MECOM: variants seen among roughly 807,000 people sequenced by gnomAD.
MECOM encodes the protein histone-lysine N-methyltransferase MECOM.
A neutral mutation model predicts 116.3 loss-of-function variants in MECOM; 13 were observed. The ratio of observed to expected loss-of-function variants is 0.11; its 90% confidence interval spans 0.07 to 0.18. The LOEUF (loss-of-function observed/expected upper bound fraction) is 0.18. Among genes scored for constraint, MECOM ranks in the 10% least tolerant of loss-of-function variants. The pLI is 1.00. For missense variants in MECOM, 1,299 were observed against 1,509.0 expected, an observed-to-expected ratio of 0.86 and a Z score of 2.31; for synonymous variants, 528 against 535.2, an observed-to-expected ratio of 0.99 and a Z score of 0.19.
chr3:169,445,583 G>C (rs2108635877), intron 1 of MECOM, among the ~76,000 whole-genome samples: 1 of 152,348 alleles, frequency 6.6e-6, no homozygotes, highest in African/African-American at 2.4e-5. Flanking sequence ...CAGTGCAGTA[G>C]GGAAATGTGG....
At chr3:169,189,574 G>A (rs988228542) in intron 2 of MECOM, among the ~76,000 whole-genome samples, 2 of 152,038 alleles carry the variant, frequency 1.3e-5, no homozygotes, top group South Asian at 2.1e-4. Flanking sequence ...TTCAGGGAAA[G>A]TAATTCACTT....
chr3:169,233,825 G>A (rs543282975), intron 2 of MECOM, among the ~76,000 whole-genome samples: 12 of 152,212 alleles, frequency 7.9e-5, no homozygotes, highest in East Asian at 3.9e-4. Context: ...ACCTAAATTC[G>A]TCACAGTAAC....
chr3:169,441,340 C>G (rs888688562), intron 1 of MECOM, among the ~76,000 whole-genome samples: 1 of 152,160 alleles, frequency 6.6e-6, no homozygotes, highest in Non-Finnish European at 1.5e-5. Context: ...TATCACCAAA[C>G]AATACTTTGA....
intron 1 of MECOM, among the ~76,000 whole-genome samples, chr3:169,646,459 T>TAATA (rs905776258): frequency 2.6e-5 from 4 of 151,982 alleles, no homozygotes; most frequent in Non-Finnish European, 5.9e-5. Context: ...ACTTAAAGTA[T>TAATA]AATAAATAAA....
At chr3:169,470,510 A>G (rs1749041685) in intron 1 of MECOM, among the ~76,000 whole-genome samples, 1 of 152,220 alleles carries the variant, frequency 6.6e-6, no homozygotes, top group Non-Finnish European at 1.5e-5. Flanking sequence ...CTGGAAGAAT[A>G]ACACAACTTC....
intron 1 of MECOM, among the ~76,000 whole-genome samples, chr3:169,585,260 C>T (rs1475276988): frequency 6.6e-6 from 1 of 152,156 alleles, no homozygotes; most frequent in South Asian, 2.1e-4. Context: ...AGATTGATGT[C>T]ATTACCTCTG....
chr3:169,226,791 TTAAC>T (rs1255541766), intron 2 of MECOM, among the ~76,000 whole-genome samples: 3 of 152,340 alleles, frequency 2.0e-5, no homozygotes, highest in Admixed American at 6.5e-5. Context: ...TGGAAGGAAT[TTAAC>T]TGACTGTGCT....
rs1305574872 is a variant in MECOM, at chr3:169,647,874, A to G, written c.37+15462T>C. Among the ~76,000 whole-genome samples, 4 of 152,166 alleles carry G rather than the reference A, an allele frequency of 2.6e-5. No individual in the cohort carries two copies. The South Asian group carries it at 8.3e-4, about 32-fold the overall frequency. On this transcript the variant is annotated intron_variant, in intron 1 of 16. Transcript: ENST00000651503. ...TTAATGCCCTGCAGAAGGATACCAT[A>G]CTGATGAGTAGCAAACTTGAGACTC...
At chr3:169,609,776 T>C (rs891764798) in intron 1 of MECOM, among the ~76,000 whole-genome samples, 3 of 152,178 alleles carry the variant, frequency 2.0e-5, no homozygotes, top group Admixed American at 6.5e-5. Context: ...GAATCCAGAG[T>C]ATAATTAAAA....
intron 1 of MECOM, among the ~76,000 whole-genome samples, chr3:169,527,785 G>A (rs527262343): frequency 6.6e-6 from 1 of 152,038 alleles, no homozygotes; most frequent in Non-Finnish European, 1.5e-5. Context: ...AATCTGTATT[G>A]CTATTGGCAC....
chr3:169,663,319 A>C lies in MECOM; in HGVS notation c.37+17T>G. 5 of 1,605,844 alleles carry C rather than the reference A, an allele frequency of 3.1e-6. No individual in the cohort carries two copies. Among genetic ancestry groups the C allele is most frequent in the Non-Finnish European group, 4.3e-6 (5 of 1,176,114 alleles). On this transcript the variant is annotated intron_variant, in intron 1 of 16. Transcript: ENST00000651503. ...GAGGAGGGGGAAAAGCCAATAGAAA[A>C]GGGATATTGCACCTACTTGTGGCCA...
At chr3:169,562,138 T>TG in intron 1 of MECOM, among the ~76,000 whole-genome samples, 1 of 3,984 alleles carries the variant, frequency 2.5e-4, no homozygotes, top group Admixed American at 4.6e-3. Context: ...AGAGCAATAC[T>TG]CAAAAAAAAA....
At chr3:169,442,771 C>T (rs1743946884) in intron 1 of MECOM, among the ~76,000 whole-genome samples, 1 of 152,132 alleles carries the variant, frequency 6.6e-6, no homozygotes, top group East Asian at 1.9e-4. Context: ...ACTCAAGGTG[C>T]CCCATAACTT....
At chr3:169,574,418 G>A (rs1262236949) in intron 1 of MECOM, among the ~76,000 whole-genome samples, 1 of 152,180 alleles carries the variant, frequency 6.6e-6, no homozygotes, top group Non-Finnish European at 1.5e-5. Flanking sequence ...ATATTGGATT[G>A]ATAAATTAAA....
chr3:169,095,018 AT>A, intron 13 of MECOM, 57 bp downstream of exon 13: 19 of 1,372,192 alleles, frequency 1.4e-5, no homozygotes, highest in Non-Finnish European at 1.8e-5. Flanking sequence ...TTATCTTATT[AT>A]CTTTTAAAAC....
chr3:169,466,544 A>G (rs1028649285), intron 1 of MECOM, among the ~76,000 whole-genome samples: 2 of 152,052 alleles, frequency 1.3e-5, no homozygotes, highest in Admixed American at 1.3e-4. Context: ...TCCATAACCA[A>G]TCCAGAGTCT....
chr3:169,089,365 TTC>T (rs1292622232), intron 15 of MECOM, among the ~76,000 whole-genome samples, 182 bp from the exon 16 acceptor site: 4 of 152,142 alleles, frequency 2.6e-5, no homozygotes, highest in Non-Finnish European at 5.9e-5. Flanking sequence ...AAAAATATAT[TTC>T]TGTTAAGATT....
chr3:169,110,127 G>A (rs1726848290), intron 9 of MECOM, among the ~76,000 whole-genome samples: 1 of 152,124 alleles, frequency 6.6e-6, no homozygotes, highest in African/African-American at 2.4e-5. Context: ...AAGCACATTA[G>A]CTATGAAATC....
intron 1 of MECOM, among the ~76,000 whole-genome samples, chr3:169,475,408 G>T (rs979691905): frequency 2.0e-5 from 3 of 152,128 alleles, no homozygotes; most frequent in African/African-American, 7.2e-5. Context: ...ACTGGGCACA[G>T]GATGTTTCAT....
Sources: allele counts gnomAD v4.1 joint callset (sites outside exome capture counted in the v4.1 genomes callset), GRCh38; gene constraint gnomAD v4.1.1; transcripts MANE v1.5; gene names NCBI Gene and HGNC (gene_info 2026-07-23, HGNC 2026-07-21).